The following STK4 variants were observed in gnomAD, a reference collection of about 807,000 sequenced individuals.
The protein encoded by STK4 is serine/threonine-protein kinase 4.
In STK4, 30 loss-of-function variants were observed where a neutral mutation model predicts 64.9. That is an observed-to-expected ratio of 0.46 (90% CI 0.35 to 0.63). The LOEUF is 0.63. STK4 is among the 20% of genes least tolerant of loss of function. The pLI is 0.01. For missense variants in STK4, 466 were observed against 598.5 expected (o/e 0.78, Z 2.31); for synonymous variants, 177 against 199.0 (o/e 0.89, Z 0.93).
intron 9 of STK4, among the ~76,000 whole-genome samples, chr20:45,011,185 C>T (rs1440090354): frequency 6.6e-6 from 1 of 152,050 alleles, no homozygotes; most frequent in Non-Finnish European, 1.5e-5. Context: ...GCCTTGTTTA[C>T]CTCCCCAAAC....
chr20:44,971,106 C>A (rs1280467811), intron 1 of STK4, among the ~76,000 whole-genome samples: 1 of 151,364 alleles, frequency 6.6e-6, no homozygotes, highest in South Asian at 2.1e-4. Context: ...CACACACACA[C>A]ACACACACAC....
intron 5 of STK4, among the ~76,000 whole-genome samples, chr20:44,987,560 A>C (rs911175477): frequency 2.1e-4 from 32 of 152,228 alleles, no homozygotes; most frequent in African/African-American, 6.5e-4. Context: ...AGTGCACTAC[A>C]TCAACATATT....
At chr20:45,014,402 G>A (rs1311008772) in intron 9 of STK4, among the ~76,000 whole-genome samples, 2 of 151,666 alleles carry the variant, frequency 1.3e-5, no homozygotes, top group African/African-American at 4.8e-5. Context: ...CTCCAGCCTG[G>A]GTGACAGAGC....
chr20:44,969,503 A>G (rs1644261132), intron 1 of STK4, among the ~76,000 whole-genome samples: 1 of 130,446 alleles, frequency 7.7e-6, no homozygotes, highest in African/African-American at 2.8e-5. Flanking sequence ...TGAGTTTGAC[A>G]TTTGTGTGTG....
intron 4 of STK4, among the ~76,000 whole-genome samples, chr20:44,983,474 G>C (rs555165369): frequency 6.6e-6 from 1 of 152,286 alleles, no homozygotes; most frequent in South Asian, 2.1e-4. Flanking sequence ...GTCAAGTGTG[G>C]TGTCATGCGC....
intron 1 of STK4, among the ~76,000 whole-genome samples, chr20:44,968,790 T>G (rs1225676334): frequency 6.6e-6 from 1 of 152,230 alleles, no homozygotes; most frequent in Non-Finnish European, 1.5e-5. Flanking sequence ...GGTTCTGAAG[T>G]GGCTGGTGAT....
At chr20:45,045,507 T>A (rs1470919790) in intron 10 of STK4, among the ~76,000 whole-genome samples, 1 of 152,194 alleles carries the variant, frequency 6.6e-6, no homozygotes, top group Non-Finnish European at 1.5e-5. Context: ...GAATCTTCTT[T>A]CAAATAACAT....
rs962363519 is a variant in STK4, at chr20:45,005,427, C to T, written c.1147+4074C>T. On this transcript the variant is annotated intron_variant, in intron 9 of 10. Coordinates refer to ENST00000372806, the MANE Select transcript of STK4 (RefSeq NM_006282.5). Reference sequence around the variant, plus strand: ...TTGGGAGGCCGAGGCAGGCGGATCACGAGGTCAGGAGATCGAGACCATCCT... The same window carrying T: ...TTGGGAGGCCGAGGCAGGCGGATCATGAGGTCAGGAGATCGAGACCATCCT... Among the ~76,000 whole-genome samples the T allele has an allele frequency of 2.8e-4, 42 of 151,788 alleles. 1 individual carries two copies. Among genetic ancestry groups the T allele is most frequent in the African/African-American group, 9.7e-4 (40 of 41,342 alleles).
At chr20:45,033,507 T>C (rs1457869229) in intron 10 of STK4, among the ~76,000 whole-genome samples, 1 of 152,170 alleles carries the variant, frequency 6.6e-6, no homozygotes, top group East Asian at 1.9e-4. Flanking sequence ...GCCAGTTATC[T>C]CAGGATCATT....
intron 5 of STK4, among the ~76,000 whole-genome samples, chr20:44,993,399 A>G (rs1386914157): frequency 2.0e-5 from 3 of 152,140 alleles, no homozygotes; most frequent in Non-Finnish European, 2.9e-5. Flanking sequence ...ATTTTCAAAA[A>G]CTTTCTAGCT....
intron 2 of STK4, among the ~76,000 whole-genome samples, chr20:44,973,659 C>G (rs550012038): frequency 6.6e-6 from 1 of 152,152 alleles, no homozygotes; most frequent in East Asian, 1.9e-4. Flanking sequence ...TGAGGCTGAC[C>G]TGGGTTAAAA....
chr20:45,011,138 GT>G (rs1601260831), intron 9 of STK4, among the ~76,000 whole-genome samples: 3 of 152,086 alleles, frequency 2.0e-5, no homozygotes, highest in African/African-American at 7.2e-5. Context: ...TCTTGTTTTT[GT>G]TGTTGTTTTT....
At position 44,995,017 on chromosome 20, in the gene STK4, C is replaced by T. The variant is rs6017460; in HGVS notation, c.526-73C>T. On this transcript the variant is annotated intron_variant, in intron 5 of 10. Transcript: ENST00000372806. ...GTTTTTTTTTTTTTCTTCTTTTTTT[C>T]TCTGTAGACTTCCTCTGTGGACATC... 0.48 allele frequency: 505,919 copies of T among 1,059,060 alleles called. 119,235 individuals are homozygous for T. Among genetic ancestry groups the T allele is most frequent in the Non-Finnish European group, 0.5 (399,877 of 806,762 alleles). The allele number at this position is 1,059,060 out of a possible 1,614,324, so 65.6% of individuals were successfully genotyped here. A position where few individuals can be genotyped will look rare whatever the true frequency, so the allele number is the denominator to read the frequency against.
chr20:45,023,422 G>A lies in STK4; in HGVS notation c.1148-1551G>A, dbSNP rs992067774. Reference sequence around the variant, plus strand: ...AAGATTGCATAGACCAAGGGTGCCTGGAGAGAAACACTTGCTGTTCTTTAT... The same window carrying A: ...AAGATTGCATAGACCAAGGGTGCCTAGAGAGAAACACTTGCTGTTCTTTAT... On this transcript the variant is annotated intron_variant, in intron 9 of 10. Coordinates refer to ENST00000372806, the MANE Select transcript of STK4 (RefSeq NM_006282.5). 2.4e-4 allele frequency among the ~76,000 whole-genome samples: 36 copies of A among 152,120 alleles called. 1 individual carries two copies. Among genetic ancestry groups the A allele is most frequent in the African/African-American group, 8.7e-4 (36 of 41,416 alleles).
In STK4 at chr20:44,966,599, C is replaced by T; in HGVS notation, c.31C>T (p.Arg11Cys). ...GACGGTACAGCTGAGGAACCCGCCG[C>T]GCCGGTGAGGGGCCACTGGCTAAGA... The part of the protein sequence containing the change: METVQLRNPP[R>C]RQLKKLDEDS... The change falls in exon 1 of 11, where the codon CGC (arginine) becomes TGC (cysteine). Residue 11 changes from arginine (R) to cysteine (C), a missense_variant. This residue lies in a region of STK4 where 190 missense variants were observed against 289.7 expected (regional missense o/e 0.66). Transcript: ENST00000372806. 1 of 1,273,024 alleles carries T rather than the reference C, an allele frequency of 7.9e-7. No individual in the cohort carries two copies. The highest frequency in any genetic ancestry group is 1.0e-6 in the Non-Finnish European group (1 of 1,001,246). 78.9% of individuals were successfully genotyped at this position (1,273,024 alleles called of 1,614,324 possible).
At chr20:45,059,178 T>G (rs548249684) in intron 10 of STK4, among the ~76,000 whole-genome samples, 1 of 152,356 alleles carries the variant, frequency 6.6e-6, no homozygotes, top group South Asian at 2.1e-4. Context: ...ACAACTGTGG[T>G]TGAAACTTTT....
intron 9 of STK4, among the ~76,000 whole-genome samples, chr20:45,011,734 T>G (rs867526558): frequency 9.8e-6 from 1 of 101,752 alleles, no homozygotes; most frequent in African/African-American, 3.6e-5. Flanking sequence ...TATATATTTT[T>G]TTTTTTTTTT....
intron 10 of STK4, among the ~76,000 whole-genome samples, chr20:45,029,506 C>T (rs2068408865): frequency 1.3e-5 from 2 of 152,186 alleles, no homozygotes; most frequent in Admixed American, 1.3e-4. Flanking sequence ...ATGAGCTGCT[C>T]TCCCAACAAA....
rs183539076 is a variant in STK4 at position 45,035,193 on chromosome 20, A to G, written c.1305+10063A>G. Among the ~76,000 whole-genome samples, 33 of 152,292 alleles carry G rather than the reference A, an allele frequency of 2.2e-4. 1 individual carries two copies. The highest frequency in any genetic ancestry group is 4.1e-4 in the South Asian group (2 of 4,830). ...CATACAGCTGCATAGATAAAAAAAG[A>G]CAGGATCTAAAAATAACTTGAAAGT... On this transcript the variant is annotated intron_variant, in intron 10 of 10. Coordinates refer to ENST00000372806, the MANE Select transcript of STK4 (RefSeq NM_006282.5).
Sources: gnomAD v4.1 joint callset for allele counts (sites outside exome capture counted in the v4.1 genomes callset) on GRCh38, gnomAD v4.1.1 for gene constraint, gnomAD v4.1.1 regional missense constraint, MANE v1.5 for transcripts, NCBI Gene and HGNC (gene_info 2026-07-23, HGNC 2026-07-21) for gene names.